Variants in RANBP2 observed in about 807,000 individuals in gnomAD.
RANBP2 encodes E3 SUMO-protein ligase RanBP2.
A neutral mutation model predicts 303.6 loss-of-function variants in RANBP2; 57 were observed. The ratio of observed to expected loss-of-function variants is 0.19; its 90% confidence interval spans 0.15 to 0.23. The LOEUF is 0.23. Ranked by LOEUF, RANBP2 falls within the 10% of genes least tolerant of loss-of-function variation. The pLI is 1.00. For synonymous variants in RANBP2, 1,167 were observed against 1,301.5 expected (o/e 0.90, Z 2.23); for missense variants, 3,138 against 3,780.8 (o/e 0.83, Z 4.46).
chr2:108,824,336 GT>G, the RANBP2 span, among the ~76,000 whole-genome samples: 1 of 151,838 alleles, frequency 6.6e-6, no homozygotes, highest in Admixed American at 6.6e-5. Context: ...TATCCTGTAA[GT>G]TTTTTTCTAT....
chr2:109,136,679 A>G, the RANBP2 span, among the ~76,000 whole-genome samples: 48 of 152,294 alleles, frequency 3.2e-4, no homozygotes, highest in African/African-American at 1.1e-3. Flanking sequence ...ACGTGTTTAC[A>G]TTGTTAACTG....
chr2:109,462,072 A>G, the RANBP2 span, among the ~76,000 whole-genome samples: 4 of 151,534 alleles, frequency 2.6e-5, no homozygotes, highest in East Asian at 7.7e-4. Context: ...TTTTAATTCA[A>G]TTTATTTCCC....
At chr2:108,955,514 G>A in the RANBP2 span, among the ~76,000 whole-genome samples, 6 of 152,156 alleles carry the variant, frequency 3.9e-5, no homozygotes, top group Non-Finnish European at 5.9e-5. Context: ...CTGGGAGGCC[G>A]TGGTGGGCAG....
At chr2:109,455,442 C>T in the RANBP2 span, among the ~76,000 whole-genome samples, 1 of 152,338 alleles carries the variant, frequency 6.6e-6, no homozygotes, top group South Asian at 2.1e-4. Flanking sequence ...ATGACAGCAG[C>T]AAGGCCTGGT....
chr2:108,855,454 C>T, the RANBP2 span, among the ~76,000 whole-genome samples: 1 of 151,140 alleles, frequency 6.6e-6, no homozygotes, highest in South Asian at 2.1e-4. Flanking sequence ...GTTCAGGCTT[C>T]ATCTGTGTAT....
chr2:109,108,126 C>G, the RANBP2 span, among the ~76,000 whole-genome samples: 2 of 151,788 alleles, frequency 1.3e-5, no homozygotes, highest in Non-Finnish European at 2.9e-5. Context: ...AGGATGGTCT[C>G]GATCTCCTGC....
the RANBP2 span, among the ~76,000 whole-genome samples, chr2:109,501,024 G>A: frequency 0.037 from 5,673 of 152,312 alleles, 353 homozygotes; most frequent in African/African-American, 0.13. Flanking sequence ...CAACCTGTGA[G>A]GTGGTGCTGC....
chr2:109,276,808 C>T, the RANBP2 span, among the ~76,000 whole-genome samples: 1 of 151,834 alleles, frequency 6.6e-6, no homozygotes, highest in East Asian at 1.9e-4. Flanking sequence ...CTACCTTTTT[C>T]CTAAAAGGAT....
At chr2:109,629,337 ATATATATATATATATATATTTT>A in the RANBP2 span, among the ~76,000 whole-genome samples, 22 of 10,148 alleles carry the variant, frequency 2.2e-3, no homozygotes, top group African/African-American at 9.3e-3. Flanking sequence ...ATATATATAT[ATATATATATATATATATATTTT>A]TTTTTTTTTT....
chr2:108,747,350 A>C (rs1696594068), intron 8 of RANBP2, among the ~76,000 whole-genome samples: 1 of 152,266 alleles, frequency 6.6e-6, no homozygotes, highest in Admixed American at 6.5e-5. Flanking sequence ...TTAGGTGGCC[A>C]TTGAATCAAG....
rs753165103 is a variant in RANBP2 at position 108,755,185 on chromosome 2, A to G, written c.2392A>G (p.Lys798Glu). The G allele has an allele frequency of 1.2e-6, 2 of 1,611,946 alleles. No individual in the cohort carries two copies. The highest frequency in any genetic ancestry group is 2.2e-5 in the East Asian group (1 of 44,868). ...SPSKSYKYSP[K>E]TPPRWAEDQN... ...TTTTATTTTTTTTTAGTATTCTCCC[A>G]AAACACCACCTCGATGGGCAGAAGA... Residue 798 changes from lysine to glutamate, a missense_variant, in exon 17 of 29, where the codon AAA (lysine) becomes GAA (glutamate). Coordinates refer to ENST00000283195, the MANE Select transcript of RANBP2 (RefSeq NM_006267.5).
chr2:109,562,120 T>C, the RANBP2 span, among the ~76,000 whole-genome samples: 1 of 151,822 alleles, frequency 6.6e-6, no homozygotes, highest in African/African-American at 2.4e-5. Flanking sequence ...GGCTGAGGCA[T>C]GAGAATCGCT....
At chr2:109,163,025 A>G in the RANBP2 span, among the ~76,000 whole-genome samples, 1 of 152,132 alleles carries the variant, frequency 6.6e-6, no homozygotes, top group African/African-American at 2.4e-5. Flanking sequence ...AAGTCCCCCA[A>G]AGTCTGTATA....
At chr2:109,458,780 C>A in the RANBP2 span, among the ~76,000 whole-genome samples, 3 of 152,222 alleles carry the variant, frequency 2.0e-5, no homozygotes, top group African/African-American at 7.2e-5. Flanking sequence ...GCGAGGCCCA[C>A]CCACATTATC....
At chr2:109,065,729 A>G in the RANBP2 span, among the ~76,000 whole-genome samples, 1 of 152,234 alleles carries the variant, frequency 6.6e-6, no homozygotes, top group African/African-American at 2.4e-5. Flanking sequence ...TTTGGACTCA[A>G]TGTTAGGAAA....
At chr2:109,267,421 A>G in the RANBP2 span, among the ~76,000 whole-genome samples, 1 of 152,186 alleles carries the variant, frequency 6.6e-6, no homozygotes, top group African/African-American at 2.4e-5. Flanking sequence ...AGAGACGCAA[A>G]AGAGAAGCAG....
the RANBP2 span, among the ~76,000 whole-genome samples, chr2:109,410,303 A>C: frequency 6.6e-6 from 1 of 152,220 alleles, no homozygotes; most frequent in Non-Finnish European, 1.5e-5. Flanking sequence ...GCTGTGTGCC[A>C]TTCACCTGTG....
chr2:109,159,452 A>G, the RANBP2 span, among the ~76,000 whole-genome samples: 2 of 152,206 alleles, frequency 1.3e-5, no homozygotes, highest in East Asian at 1.9e-4. Flanking sequence ...ATTACTGTGG[A>G]TTTTAGTGGG....
At chr2:109,174,230 G>A in the RANBP2 span, among the ~76,000 whole-genome samples, 1 of 152,222 alleles carries the variant, frequency 6.6e-6, no homozygotes, top group Non-Finnish European at 1.5e-5. Flanking sequence ...GAGTAAGGTG[G>A]ACATCACAGT....
Sources: allele counts gnomAD v4.1 joint callset (sites outside exome capture counted in the v4.1 genomes callset), GRCh38; gene constraint gnomAD v4.1.1; transcripts MANE v1.5; gene names NCBI Gene and HGNC (gene_info 2026-07-23, HGNC 2026-07-21).